Variants in DEGS2 observed in about 807,000 individuals in gnomAD.
DEGS2 encodes the protein delta 4-desaturase, sphingolipid 2, also known as sphingolipid delta(4)-desaturase/C4-monooxygenase DES2.
In DEGS2, 19 loss-of-function variants were observed where a neutral mutation model predicts 23.8. The ratio of observed to expected loss-of-function variants is 0.80; its 90% confidence interval spans 0.56 to 1.17. DEGS2 has a LOEUF of 1.17. Ranked by LOEUF, DEGS2 falls within the 50% of genes most tolerant of loss-of-function variation. DEGS2 has a pLI of 0.00. For missense variants in DEGS2, 390 were observed against 459.5 expected, an observed-to-expected ratio of 0.85 and a Z score of 1.38; for synonymous variants, 218 against 213.7, an observed-to-expected ratio of 1.02 and a Z score of -0.18.
intron 1 of DEGS2, 61 bp from the exon 2 acceptor site, chr14:100,149,771 C>G (rs763686442): frequency 6.6e-7 from 1 of 1,508,000 alleles, no homozygotes; most frequent in Non-Finnish European, 9.0e-7. Context: ...CGCCCTCCTC[C>G]GCTCCCACTG....
chr14:100,158,933 C>T (rs1889702565), intron 1 of DEGS2, among the ~76,000 whole-genome samples: 1 of 152,240 alleles, frequency 6.6e-6, no homozygotes, highest in Non-Finnish European at 1.5e-5. Context: ...AGCGACATGC[C>T]AGAATAGAAG....
intron 1 of DEGS2, among the ~76,000 whole-genome samples, chr14:100,151,789 T>G (rs1244952198): frequency 6.6e-6 from 1 of 151,890 alleles, no homozygotes; most frequent in Non-Finnish European, 1.5e-5. Flanking sequence ...GTCTTAGGAG[T>G]GGGTCTACTC....
In DEGS2 at chr14:100,144,045, G is replaced by A. The variant is rs959174158; in HGVS notation, c.*2716C>T. On this transcript the variant is annotated 3_prime_UTR_variant, in exon 3 of 3. Transcript: ENST00000305631. ...CCCTAAGTCACCTGCTTCATTAGAC[G>A]GTTTCCAGGTTTTCTCCCAGGTGAC... 19 of 415,996 alleles carry A rather than the reference G, an allele frequency of 4.6e-5. No homozygotes were observed. The highest frequency in any genetic ancestry group is 6.9e-5 in the Non-Finnish European group (16 of 231,392). The allele number at this position is 415,996 out of a possible 1,614,324, so 25.8% of individuals were successfully genotyped here. A position where few individuals can be genotyped will look rare whatever the true frequency, so the allele number is the denominator to read the frequency against.
chr14:100,148,101 C>T (rs1341128441), intron 2 of DEGS2, among the ~76,000 whole-genome samples: 1 of 152,206 alleles, frequency 6.6e-6, no homozygotes, highest in Non-Finnish European at 1.5e-5. Flanking sequence ...TCACACGGGC[C>T]ACAGTGCACA....
In DEGS2 at chr14:100,146,190, C is replaced by CT. The variant is rs1889441755; in HGVS notation, c.*570dup. On this transcript the variant is annotated 3_prime_UTR_variant, in exon 3 of 3. Transcript: ENST00000305631. The stretch of plus-strand genomic sequence containing the variant: ...ACAGATGACCAAAGTGAGCTTTCTG[C>CT]TGTCCACACCTCAGTGTGTGTGCAC... The CT allele has an allele frequency of 6.6e-6, 1 of 152,512 alleles. No homozygotes were observed. Among genetic ancestry groups the CT allele is most frequent in the Non-Finnish European group, 1.5e-5 (1 of 68,236 alleles). 9.4% of individuals were successfully genotyped at this position (152,512 alleles called of 1,614,324 possible).
chr14:100,148,504 C>G (rs1195181354), intron 2 of DEGS2, among the ~76,000 whole-genome samples: 1 of 152,214 alleles, frequency 6.6e-6, no homozygotes, highest in African/African-American at 2.4e-5. Flanking sequence ...ATGCCCATAC[C>G]CGGGGCTTCC....
intron 1 of DEGS2, among the ~76,000 whole-genome samples, chr14:100,150,387 A>ACCCCCCCCCCCCCCCCCCCC (rs778863717): frequency 9.8e-5 from 9 of 92,274 alleles, no homozygotes; most frequent in African/African-American, 1.9e-4. Context: ...CCACCCCAAC[A>ACCCCCCCCCCCCCCCCCCCC]CCCCCCCCCG....
intron 1 of DEGS2, among the ~76,000 whole-genome samples, chr14:100,152,062 G>A (rs1889580973): frequency 6.6e-6 from 1 of 152,146 alleles, no homozygotes; most frequent in African/African-American, 2.4e-5. Context: ...AGCTGCCAGG[G>A]GTCACAGAGG....
Position 100,149,671 on chromosome 14 carries a change from G to A in DEGS2, c.122C>T (p.Pro41Leu), listed in dbSNP as rs751352297. Residue 41 changes from proline to leucine, a missense_variant, in exon 2 of 3, where the codon CCG becomes CTG. Coordinates refer to ENST00000305631, the MANE Select transcript of DEGS2 (RefSeq NM_206918.3). ...CACCAGCACCGCCCACTTGAGGCGC[G>A]GGTCTGGCCGCATCAGGGCCTTGAT... ...PAIKALMRPD[P>L]RLKWAVLVLV... 17 of 1,610,192 alleles carry A rather than the reference G, an allele frequency of 1.1e-5. No homozygotes were observed. The highest frequency in any genetic ancestry group is 1.6e-4 in the Middle Eastern group (1 of 6,070).
intron 1 of DEGS2, among the ~76,000 whole-genome samples, chr14:100,155,189 G>A (rs1198461054): frequency 6.6e-6 from 1 of 152,204 alleles, no homozygotes; most frequent in Non-Finnish European, 1.5e-5. Context: ...AACCTGCTCA[G>A]GGTTGACGAT....
Position 100,155,049 on chromosome 14 carries a change from C to T in DEGS2, c.82+4457G>A, listed in dbSNP as rs557707885. 1.1e-4 allele frequency among the ~76,000 whole-genome samples: 17 copies of T among 152,306 alleles called. No homozygotes were observed. The East Asian group carries it at 2.9e-3, about 26-fold the overall frequency. On this transcript the variant is annotated intron_variant, in intron 1 of 2. Coordinates refer to ENST00000305631, the MANE Select transcript of DEGS2 (RefSeq NM_206918.3). ...CTAGGGAGACCTGCTGTATCACCTT[C>T]CCAGGGAGGCCAAATGCCATCATAT...
At chr14:100,148,868 G>C (rs2281660) in intron 2 of DEGS2, 100 bp downstream of exon 2, 210,872 of 1,360,744 alleles carry the variant, frequency 0.15, 16,781 homozygotes, top group Middle Eastern at 0.22. Context: ...CAAAAAGGGA[G>C]AGGCTGCTGG....
upstream of DEGS2, among the ~76,000 whole-genome samples, chr14:100,164,465 G>A (rs961626887): frequency 6.6e-6 from 1 of 151,930 alleles, no homozygotes; most frequent in South Asian, 2.1e-4. Context: ...CTGCAACCCC[G>A]TCTCTACTAA....
chr14:100,155,757 C>T (rs1234211945), intron 1 of DEGS2: 1 of 152,172 alleles, frequency 6.6e-6, no homozygotes, highest in Non-Finnish European at 1.5e-5. Context: ...AGCAGTTTCG[C>T]TTCCGGGATT....
At chr14:100,151,384 A>C (rs1010067961) in intron 1 of DEGS2, among the ~76,000 whole-genome samples, 4 of 152,234 alleles carry the variant, frequency 2.6e-5, no homozygotes, top group Non-Finnish European at 5.9e-5. Context: ...AGTAACTAAA[A>C]ACTGAGCAGT....
chr14:100,151,560 C>T (rs907007521), intron 1 of DEGS2, among the ~76,000 whole-genome samples: 1 of 152,178 alleles, frequency 6.6e-6, no homozygotes, highest in African/African-American at 2.4e-5. Context: ...TCAGGGAGCC[C>T]GAGACACCCA....
chr14:100,160,640 GCTGA>G (rs1398489806), upstream of DEGS2, among the ~76,000 whole-genome samples: 1 of 152,222 alleles, frequency 6.6e-6, no homozygotes, highest in East Asian at 1.9e-4. Flanking sequence ...TTGCCTGGGA[GCTGA>G]CTGACACATC....
the DEGS2 span, among the ~76,000 whole-genome samples, chr14:100,165,922 G>A: frequency 7.4e-6 from 1 of 135,404 alleles, no homozygotes; most frequent in African/African-American, 2.8e-5. Context: ...GTGGGGTGGG[G>A]GGAGCCTGCC....
chr14:100,149,681 G>C lies in DEGS2; in HGVS notation c.112C>G (p.Arg38Gly), dbSNP rs569110301. The C allele has an allele frequency of 6.2e-7, 1 of 1,607,322 alleles. No individual in the cohort carries two copies. Among genetic ancestry groups the C allele is most frequent in the South Asian group, 1.1e-5 (1 of 90,516 alleles). ...GCCCACTTGAGGCGCGGGTCTGGCC[G>C]CATCAGGGCCTTGATGGCCGGGTAC... ...AKYPAIKALM[R>G]PDPRLKWAVL... Residue 38 changes from arginine to glycine, a missense_variant, in exon 2 of 3, where the codon CGG becomes GGG. Coordinates refer to ENST00000305631, the MANE Select transcript of DEGS2 (RefSeq NM_206918.3).
Sources: allele counts gnomAD v4.1 joint callset (sites outside exome capture counted in the v4.1 genomes callset), GRCh38; gene constraint gnomAD v4.1.1; transcripts MANE v1.5; gene names NCBI Gene and HGNC (gene_info 2026-07-23, HGNC 2026-07-21).